The following USPL1 variants were observed in gnomAD, a reference collection of about 807,000 sequenced individuals.
USPL1 encodes the protein SUMO-specific isopeptidase USPL1.
Under a neutral mutation model 51.5 loss-of-function variants are expected in USPL1, and 27 were observed. The observed-to-expected ratio is 0.52, with a 90% CI of 0.39 to 0.72. The LOEUF (loss-of-function observed/expected upper bound fraction) is 0.72. Among genes scored for constraint, USPL1 ranks in the 30% least tolerant of loss-of-function variants. USPL1 has a pLI of 0.00. For missense variants in USPL1, 1,226 were observed against 1,268.0 expected, an observed-to-expected ratio of 0.97 and a Z score of 0.50; for synonymous variants, 451 against 459.6, an observed-to-expected ratio of 0.98 and a Z score of 0.24.
intron 3 of USPL1, among the ~76,000 whole-genome samples, chr13:30,624,640 A>G (rs1486168857): frequency 6.6e-6 from 1 of 152,184 alleles, no homozygotes; most frequent in African/African-American, 2.4e-5. Context: ...GAAAAAAAAA[A>G]GACAAATAGA....
chr13:30,654,682 A>C (rs1366069098), intron 8 of USPL1, among the ~76,000 whole-genome samples: 1 of 152,086 alleles, frequency 6.6e-6, no homozygotes. Flanking sequence ...CATAAACCAC[A>C]TGCTTAGTGA....
intron 3 of USPL1, among the ~76,000 whole-genome samples, chr13:30,627,972 G>C (rs1162429002): frequency 6.6e-6 from 1 of 151,664 alleles, no homozygotes. Context: ...CTGCCTGCGG[G>C]TTCAAGCAGT....
chr13:30,624,673 G>C (rs1233109875), intron 3 of USPL1, among the ~76,000 whole-genome samples: 2 of 152,108 alleles, frequency 1.3e-5, no homozygotes, highest in Non-Finnish European at 2.9e-5. Context: ...TATGAAGAGA[G>C]AGCTTTCATG....
chr13:30,646,683 T>G (rs1951021633), intron 6 of USPL1, among the ~76,000 whole-genome samples: 1 of 152,196 alleles, frequency 6.6e-6, no homozygotes, highest in Non-Finnish European at 1.5e-5. Flanking sequence ...AAAAATGCAG[T>G]GATACCATTG....
chr13:30,639,083 G>A (rs1307388116), intron 5 of USPL1, among the ~76,000 whole-genome samples: 8 of 151,722 alleles, frequency 5.3e-5, no homozygotes, highest in African/African-American at 1.9e-4. Context: ...GGGCGTGGTA[G>A]TGTGTGCCTG....
intron 3 of USPL1, among the ~76,000 whole-genome samples, chr13:30,627,501 T>C (rs1280151499): frequency 6.8e-6 from 1 of 147,340 alleles, no homozygotes; most frequent in Non-Finnish European, 1.5e-5. Flanking sequence ...CGGGGCCTCT[T>C]ATGGTTTATT....
At chr13:30,645,052 T>C (rs1950999938) in intron 6 of USPL1, among the ~76,000 whole-genome samples, 1 of 152,180 alleles carries the variant, frequency 6.6e-6, no homozygotes, top group Admixed American at 6.5e-5. Context: ...TGAAAGGGGT[T>C]AGATTGATTC....
intron 8 of USPL1, among the ~76,000 whole-genome samples, chr13:30,653,519 A>G (rs933028096): frequency 6.6e-6 from 1 of 152,058 alleles, no homozygotes; most frequent in African/African-American, 2.4e-5. Context: ...TACATCATGT[A>G]TTATAGGTAA....
intron 4 of USPL1, among the ~76,000 whole-genome samples, chr13:30,635,794 C>T (rs940590659): frequency 1.1e-4 from 17 of 152,092 alleles, no homozygotes; most frequent in Non-Finnish European, 2.1e-4. Context: ...CTAGTTTTTG[C>T]TGTTGTGAAT....
At chr13:30,648,850 ATGT>A (rs999232938) in intron 7 of USPL1, among the ~76,000 whole-genome samples, 81 of 152,016 alleles carry the variant, frequency 5.3e-4, no homozygotes, top group African/African-American at 1.9e-3. Flanking sequence ...TGAGATGTAA[ATGT>A]TGATGATGAG....
chr13:30,624,614 C>G (rs747178031), intron 3 of USPL1, among the ~76,000 whole-genome samples: 9 of 151,928 alleles, frequency 5.9e-5, no homozygotes, highest in Non-Finnish European at 1.3e-4. Flanking sequence ...AGTGTGAGAC[C>G]CTGTCTCTAT....
Position 30,659,320 on chromosome 13 carries a change from A to G in USPL1, c.3243A>G (p.Leu1081=). 6.2e-7 allele frequency: 1 copy of G among 1,601,850 alleles called. No individual in the cohort carries two copies. The highest frequency in any genetic ancestry group is 8.5e-7 in the Non-Finnish European group (1 of 1,172,936). The part of the protein sequence containing the change: ...LNALANDTLD[L]PHFDEYLFEN... Reference sequence around the variant, plus strand: ...CTTTAGCAAATGACACATTAGACCTACCTCATTTCGATGAATATCTGTTTG... The same window carrying G: ...CTTTAGCAAATGACACATTAGACCTGCCTCATTTCGATGAATATCTGTTTG... Residue 1081 remains leucine (L), a synonymous_variant, in exon 9 of 9, where the codon CTA becomes CTG. Coordinates refer to ENST00000255304, the MANE Select transcript of USPL1 (RefSeq NM_005800.5).
In USPL1 at chr13:30,630,865, A is replaced by G. The variant is rs200624142; in HGVS notation, c.259A>G (p.Asn87Asp). 1.2e-6 allele frequency: 2 copies of G among 1,611,912 alleles called. No homozygotes were observed. The highest frequency in any genetic ancestry group is 2.7e-5 in the African/African-American group (2 of 74,782). The change falls in exon 4 of 9, where the codon AAT (asparagine) becomes GAT (aspartate). Residue 87 changes from asparagine (N) to aspartate (D), a missense_variant. Physicochemically the swap from Asn to Asp is conservative, Grantham distance 23. Transcript: ENST00000255304. ...CIYPLGSKSL[N>D]NLISPDLEEC... is the part of the protein sequence containing the mutation. Reference sequence around the variant, plus strand: ...CTATCCTTTGGGCTCTAAATCACTTAATAACCTAATTTCTCCTGATTTGGA... The same window carrying G: ...CTATCCTTTGGGCTCTAAATCACTTGATAACCTAATTTCTCCTGATTTGGA...
chr13:30,635,445 C>T lies in USPL1; in HGVS notation c.869-2299C>T, dbSNP rs552958115. On this transcript the variant is annotated intron_variant, in intron 4 of 8. Coordinates refer to ENST00000255304, the MANE Select transcript of USPL1 (RefSeq NM_005800.5). The stretch of plus-strand genomic sequence containing the variant: ...CCACCTCTAGCATGTATCAACATAT[C>T]ATGTATGTGTGCAGCTGTTCCTTAA... Among the ~76,000 whole-genome samples the T allele has an allele frequency of 3.9e-5, 6 of 152,294 alleles. No homozygotes were observed. In the South Asian group the frequency reaches 1.2e-3, roughly 32 times the overall value.
chr13:30,624,661 G>C (rs1349489833), intron 3 of USPL1, among the ~76,000 whole-genome samples: 1 of 152,114 alleles, frequency 6.6e-6, no homozygotes, highest in East Asian at 1.9e-4. Context: ...TCCAGGAAAG[G>C]CTATGAAGAG....
intron 4 of USPL1, among the ~76,000 whole-genome samples, chr13:30,633,784 CAAAAAAAAAAAAAAA>C (rs61682331): frequency 2.4e-5 from 1 of 41,274 alleles, no homozygotes; most frequent in East Asian, 6.4e-4. Context: ...GACTCTGTCT[CAAAAAAAAAAAAAAA>C]AAAAAAAAAG....
chr13:30,650,039 G>C (rs1951068587), intron 7 of USPL1, among the ~76,000 whole-genome samples: 1 of 152,172 alleles, frequency 6.6e-6, no homozygotes, highest in Admixed American at 6.5e-5. Flanking sequence ...ATAAAGTTTA[G>C]TAGAGATGGG....
intron 5 of USPL1, 42 bp downstream of exon 5, chr13:30,637,899 C>CA: frequency 7.3e-7 from 1 of 1,378,020 alleles, no homozygotes; most frequent in Non-Finnish European, 1.0e-6. Flanking sequence ...ACTCATCTAC[C>CA]ATATAGAAAT....
At chr13:30,643,836 CT>C (rs1950982032) in intron 6 of USPL1, among the ~76,000 whole-genome samples, 1 of 151,434 alleles carries the variant, frequency 6.6e-6, no homozygotes, top group Non-Finnish European at 1.5e-5. Context: ...TCTTGAACTC[CT>C]GACCTCAGGT....
Sources: allele counts gnomAD v4.1 joint callset (sites outside exome capture counted in the v4.1 genomes callset), GRCh38; gene constraint gnomAD v4.1.1; transcripts MANE v1.5; gene names NCBI Gene and HGNC (gene_info 2026-07-23, HGNC 2026-07-21).